The following CBX5 variants were observed in gnomAD, a reference collection of about 807,000 sequenced individuals.
CBX5 encodes chromobox protein homolog 5.
In CBX5, 7 loss-of-function variants were observed where a neutral mutation model predicts 20.7. The observed-to-expected ratio is 0.34, with a 90% CI of 0.19 to 0.63. The LOEUF is 0.63. CBX5 is among the 30% of genes least tolerant of loss of function. The probability of loss-of-function intolerance (pLI) is 0.75; values close to 1 mark genes in which losing one functional copy is unlikely to be tolerated. For synonymous variants in CBX5, 78 were observed against 77.0 expected, an observed-to-expected ratio of 1.01 and a Z score of -0.07; for missense variants, 110 against 224.1, an observed-to-expected ratio of 0.49 and a Z score of 3.25.
chr12:54,271,805 TATAGG>T (rs1240907775), intron 1 of CBX5: 52 of 152,338 alleles, frequency 3.4e-4, no homozygotes, highest in African/African-American at 1.2e-3. Context: ...TTGGAAAATA[TATAGG>T]AAACAGAAGG....
intron 3 of CBX5, among the ~76,000 whole-genome samples, chr12:54,247,154 GC>G (rs1445895582): frequency 1.3e-5 from 2 of 152,090 alleles, no homozygotes; most frequent in Non-Finnish European, 2.9e-5. Context: ...TAGAGAGAAG[GC>G]CCTGGTCAGT....
intron 1 of CBX5, chr12:54,258,366 T>A (rs894934025): frequency 5.3e-5 from 8 of 152,112 alleles, no homozygotes; most frequent in African/African-American, 9.6e-5. Context: ...GGAGAAAAAA[T>A]TTTTCAGTCC....
chr12:54,269,184 C>T (rs1943985418), intron 1 of CBX5, among the ~76,000 whole-genome samples: 1 of 151,844 alleles, frequency 6.6e-6, no homozygotes, highest in South Asian at 2.1e-4. Context: ...CGCTTGAACC[C>T]CCCAGGAGGC....
In CBX5 at chr12:54,238,132, G is replaced by GT. The variant is rs1943642040; in HGVS notation, c.*3622dup. On this transcript the variant is annotated 3_prime_UTR_variant, in exon 5 of 5. Coordinates refer to ENST00000209875, the MANE Select transcript of CBX5 (RefSeq NM_012117.3). ...TTGAACCCAGGAGGTGGAGGGTACA[G>GT]TAAGCCAAGATTGTGCCACTGCACT... is the stretch of plus-strand genomic sequence containing the variant. 6.6e-6 allele frequency: 1 copy of GT among 152,276 alleles called. No individual in the cohort carries two copies. The highest frequency in any genetic ancestry group is 2.4e-5 in the African/African-American group (1 of 41,428). 9.4% of individuals were successfully genotyped at this position (152,276 alleles called of 1,614,324 possible).
chr12:54,237,208 A>G lies in CBX5; in HGVS notation c.*4547T>C, dbSNP rs1455124610. 1 of 152,222 alleles carries G rather than the reference A, an allele frequency of 6.6e-6. No homozygotes were observed. The highest frequency in any genetic ancestry group is 1.5e-5 in the Non-Finnish European group (1 of 68,070). The allele number at this position is 152,222 out of a possible 1,614,324, so 9.4% of individuals were successfully genotyped here. A position where few individuals can be genotyped will look rare whatever the true frequency, so the allele number is the denominator to read the frequency against. On this transcript the variant is annotated 3_prime_UTR_variant, in exon 5 of 5. Coordinates refer to ENST00000209875, the MANE Select transcript of CBX5 (RefSeq NM_012117.3). ...CCACTATTCTGTCTATAATGAGAAT[A>G]TATCAATAGCAGGAAATCTACTTTC...
chr12:54,257,097 A>T (rs1943868610), intron 2 of CBX5, among the ~76,000 whole-genome samples: 1 of 152,092 alleles, frequency 6.6e-6, no homozygotes, highest in Non-Finnish European at 1.5e-5. Flanking sequence ...ACCTCAGGTG[A>T]TCCACCCGCC....
intron 1 of CBX5, among the ~76,000 whole-genome samples, chr12:54,270,327 G>C (rs1943997749): frequency 6.6e-6 from 1 of 152,138 alleles, no homozygotes; most frequent in African/African-American, 2.4e-5. Flanking sequence ...CCAGGCTCAA[G>C]TGCAGTGGCA....
rs561385623 is a variant in CBX5 at position 54,263,462 on chromosome 12, C to G, written c.-42-5770G>C. Among the ~76,000 whole-genome samples the G allele has an allele frequency of 2.6e-5, 4 of 152,180 alleles. No homozygotes were observed. In the South Asian group the frequency reaches 6.2e-4, roughly 24 times the overall value. On this transcript the variant is annotated intron_variant, in intron 1 of 4. Transcript: ENST00000209875. ...CAGAAAAACAAGAGGTAGGCCGGCACAGCGGCTCTCGCCTGTAATCCCAGC... is the reference window on the plus strand; with the variant it reads ...CAGAAAAACAAGAGGTAGGCCGGCAGAGCGGCTCTCGCCTGTAATCCCAGC...
intron 1 of CBX5, among the ~76,000 whole-genome samples, chr12:54,278,219 A>G (rs1489924882): frequency 6.6e-6 from 1 of 152,214 alleles, no homozygotes; most frequent in East Asian, 1.9e-4. Context: ...AGCACCCTCA[A>G]CAAAGAATTA....
chr12:54,274,362 TAA>T (rs1417277385), intron 1 of CBX5: 6 of 151,972 alleles, frequency 3.9e-5, no homozygotes, highest in African/African-American at 1.4e-4. Context: ...GGAAGAAAAA[TAA>T]AAGTTTATAT....
chr12:54,257,416 G>C, intron 2 of CBX5, 98 bp downstream of exon 2: 1 of 1,252,336 alleles, frequency 8.0e-7, no homozygotes, highest in Non-Finnish European at 1.1e-6. Context: ...TGCAGGAGGG[G>C]GAAGAAAAAG....
intron 4 of CBX5, among the ~76,000 whole-genome samples, chr12:54,245,327 C>G (rs923341063): frequency 1.3e-5 from 2 of 151,874 alleles, no homozygotes; most frequent in Middle Eastern, 3.2e-3. Context: ...TATTTTCTAC[C>G]TCAAATTTAC....
Position 54,252,261 on chromosome 12 carries a change from A to G in CBX5, c.138-34T>C, listed in dbSNP as rs58541739. 4.9e-4 allele frequency: 683 copies of G among 1,379,914 alleles called. 2 individuals are homozygous for G. The African/African-American group carries it at 6.9e-3, about 14-fold the overall frequency. The allele number at this position is 1,379,914 out of a possible 1,614,324, so 85.5% of individuals were successfully genotyped here. On this transcript the variant is annotated intron_variant, in intron 2 of 4. Transcript: ENST00000209875. Reference sequence around the variant, plus strand: ...GAAAAATGGGAAAATTAAAAAAAAAAGGGGGGGGTAAAGAATGAGGAAAAA... The same window carrying G: ...GAAAAATGGGAAAATTAAAAAAAAAGGGGGGGGGTAAAGAATGAGGAAAAA...
At chr12:54,269,036 G>A (rs1943983183) in intron 1 of CBX5, among the ~76,000 whole-genome samples, 3 of 152,222 alleles carry the variant, frequency 2.0e-5, no homozygotes, top group Non-Finnish European at 1.5e-5. Context: ...GCTGAGGTGG[G>A]CGCATCACGA....
At chr12:54,279,530 T>C (rs1405722158) in intron 1 of CBX5, among the ~76,000 whole-genome samples, 3 of 152,130 alleles carry the variant, frequency 2.0e-5, no homozygotes, top group South Asian at 4.1e-4. Flanking sequence ...CCTCCCTCTT[T>C]TGGAGAGCCG....
intron 2 of CBX5, 86 bp downstream of exon 2, chr12:54,257,428 C>A: frequency 6.9e-7 from 1 of 1,444,610 alleles, no homozygotes; most frequent in South Asian, 1.3e-5. Flanking sequence ...AAGAAAAAGA[C>A]AAAAATGCTT....
intron 1 of CBX5, 32 bp downstream of exon 1, chr12:54,279,976 A>T (rs1049968149): frequency 2.6e-5 from 4 of 151,006 alleles, no homozygotes; most frequent in African/African-American, 9.9e-5. Context: ...TTCAAGACCT[A>T]CTATGGGTAG....
chr12:54,276,284 T>G lies in CBX5; in HGVS notation c.-43+3724A>C, dbSNP rs138994985. On this transcript the variant is annotated intron_variant, in intron 1 of 4. Transcript: ENST00000209875. ...AAATATGAAAAATTGAAAATTCATTTCCTACACCTAATCTACTGAACATCA... is the reference window on the plus strand; with the variant it reads ...AAATATGAAAAATTGAAAATTCATTGCCTACACCTAATCTACTGAACATCA... 1.8e-3 allele frequency among the ~76,000 whole-genome samples: 275 copies of G among 152,324 alleles called. 1 individual carries two copies. The East Asian group carries it at 0.029, about 16-fold the overall frequency.
At chr12:54,253,612 T>C (rs962495605) in intron 2 of CBX5, among the ~76,000 whole-genome samples, 1 of 150,540 alleles carries the variant, frequency 6.6e-6, no homozygotes, top group Non-Finnish European at 1.5e-5. Context: ...CCTGTAGTCC[T>C]AGCTACTTGG....
Sources: gnomAD v4.1 joint callset for allele counts (sites outside exome capture counted in the v4.1 genomes callset) on GRCh38, gnomAD v4.1.1 for gene constraint, MANE v1.5 for transcripts, NCBI Gene and HGNC (gene_info 2026-07-23, HGNC 2026-07-21) for gene names.